RSRC1: variants seen among roughly 807,000 people sequenced by gnomAD.
RSRC1 encodes arginine and serine rich coiled-coil 1, also known as serine/Arginine-related protein 53.
Under a neutral mutation model 49.1 loss-of-function variants are expected in RSRC1, and 39 were observed. That is an observed-to-expected ratio of 0.79 (90% confidence interval 0.61 to 1.04). RSRC1 has a LOEUF of 1.04. Among genes scored for constraint, RSRC1 ranks in the 50% least tolerant of loss-of-function variants. The pLI is 0.00. For synonymous variants in RSRC1, 143 were observed against 130.8 expected, an observed-to-expected ratio of 1.09 and a Z score of -0.63; for missense variants, 388 against 402.4, an observed-to-expected ratio of 0.96 and a Z score of 0.31.
At chr3:158,379,466 C>A (rs1232050447) in intron 6 of RSRC1, among the ~76,000 whole-genome samples, 3 of 152,124 alleles carry the variant, frequency 2.0e-5, no homozygotes, top group Admixed American at 2.0e-4. Context: ...TCCCAAAGTG[C>A]TGGGATTACA....
chr3:158,301,279 C>G (rs9877873), intron 5 of RSRC1, among the ~76,000 whole-genome samples: 2,603 of 152,176 alleles, frequency 0.017, 67 homozygotes, highest in African/African-American at 0.06. Flanking sequence ...GGCTGTTGCT[C>G]TGTTATCCAT....
chr3:158,120,178 T>TCATTTA (rs1715153029), intron 1 of RSRC1, among the ~76,000 whole-genome samples: 1 of 152,220 alleles, frequency 6.6e-6, no homozygotes, highest in Non-Finnish European at 1.5e-5. Context: ...ATCTTTTACC[T>TCATTTA]ATTGTAGTTT....
chr3:158,467,579 G>T (rs1010689696), intron 7 of RSRC1, among the ~76,000 whole-genome samples: 1 of 152,126 alleles, frequency 6.6e-6, no homozygotes, highest in Non-Finnish European at 1.5e-5. Context: ...TAGGGATGCC[G>T]AAATGAAAGA....
intron 6 of RSRC1, among the ~76,000 whole-genome samples, chr3:158,380,019 T>A (rs1732618363): frequency 6.6e-6 from 1 of 152,146 alleles, no homozygotes; most frequent in Non-Finnish European, 1.5e-5. Flanking sequence ...CTACACATCA[T>A]TTGTGCTTAA....
intron 5 of RSRC1, among the ~76,000 whole-genome samples, chr3:158,353,860 G>GT (rs945579979): frequency 1.4e-4 from 22 of 151,880 alleles, no homozygotes; most frequent in African/African-American, 2.9e-4. Context: ...ATGGACAACA[G>GT]TTTTTTTAAC....
At chr3:158,522,392 G>A (rs1388037930) in intron 7 of RSRC1, among the ~76,000 whole-genome samples, 2 of 151,890 alleles carry the variant, frequency 1.3e-5, no homozygotes, top group East Asian at 3.9e-4. Flanking sequence ...CTGCAGCCTT[G>A]AATTCCTGGG....
intron 7 of RSRC1, among the ~76,000 whole-genome samples, chr3:158,513,161 G>T (rs1327559136): frequency 6.7e-6 from 1 of 149,780 alleles, no homozygotes; most frequent in Non-Finnish European, 1.5e-5. Flanking sequence ...TGTTGAATAG[G>T]AGTGGTGAGA....
intron 6 of RSRC1, among the ~76,000 whole-genome samples, chr3:158,457,248 T>C (rs1454237636): frequency 1.3e-5 from 2 of 152,128 alleles, no homozygotes; most frequent in African/African-American, 4.8e-5. Flanking sequence ...AAGGAATGAA[T>C]GGATTCTAGA....
chr3:158,160,403 A>T (rs6786057), intron 3 of RSRC1, among the ~76,000 whole-genome samples: 90,123 of 152,024 alleles, frequency 0.59, 26,980 homozygotes, highest in East Asian at 0.71. Flanking sequence ...ATGTATATTG[A>T]TGTCTTAGCT....
chr3:158,391,413 C>A (rs190858970), intron 6 of RSRC1, among the ~76,000 whole-genome samples: 1 of 152,244 alleles, frequency 6.6e-6, no homozygotes, highest in Admixed American at 6.5e-5. Flanking sequence ...TTGAAAGTTT[C>A]CATATTGAAA....
chr3:158,484,749 A>G (rs1033077054), intron 7 of RSRC1, among the ~76,000 whole-genome samples: 6 of 152,102 alleles, frequency 3.9e-5, no homozygotes, highest in African/African-American at 1.4e-4. Flanking sequence ...AATTATAAAT[A>G]AGAGTATACA....
chr3:158,363,278 T>C (rs1731579045), intron 6 of RSRC1, among the ~76,000 whole-genome samples: 1 of 151,618 alleles, frequency 6.6e-6, no homozygotes. Flanking sequence ...TCTTTTTTTT[T>C]TTTTTGACAT....
At chr3:158,301,994 T>TG (rs1559983615) in intron 5 of RSRC1, among the ~76,000 whole-genome samples, 1 of 150,184 alleles carries the variant, frequency 6.7e-6, no homozygotes, top group Non-Finnish European at 1.5e-5. Flanking sequence ...TTTTTTTGTT[T>TG]TTTTTTTTTG....
At chr3:158,495,917 T>G (rs994476690) in intron 7 of RSRC1, among the ~76,000 whole-genome samples, 5 of 152,202 alleles carry the variant, frequency 3.3e-5, no homozygotes, top group Middle Eastern at 3.2e-3. Flanking sequence ...CTGGCTTAAA[T>G]AAGAAAGTAA....
At chr3:158,196,226 A>C (rs1204250419) in intron 3 of RSRC1, among the ~76,000 whole-genome samples, 1 of 151,686 alleles carries the variant, frequency 6.6e-6, no homozygotes, top group East Asian at 1.9e-4. Context: ...ATCCCTTGTA[A>C]GTTGGATTCC....
chr3:158,314,962 G>A (rs189533774), intron 5 of RSRC1, among the ~76,000 whole-genome samples: 216 of 151,732 alleles, frequency 1.4e-3, no homozygotes, highest in Non-Finnish European at 1.8e-3. Flanking sequence ...AACCTGGGAG[G>A]CAGAGGTTGC....
At chr3:158,181,834 A>G (rs1209428092) in intron 3 of RSRC1, among the ~76,000 whole-genome samples, 3 of 152,220 alleles carry the variant, frequency 2.0e-5, no homozygotes, top group African/African-American at 4.8e-5. Context: ...TTGAGAAAGT[A>G]GTACATGAAT....
intron 7 of RSRC1, among the ~76,000 whole-genome samples, chr3:158,472,388 G>A (rs1393737811): frequency 6.6e-6 from 1 of 151,984 alleles, no homozygotes; most frequent in Non-Finnish European, 1.5e-5. Context: ...GAGGTATATT[G>A]TACTTTGCAG....
At chr3:158,189,460 G>A (rs1297225115) in intron 3 of RSRC1, among the ~76,000 whole-genome samples, 2 of 151,700 alleles carry the variant, frequency 1.3e-5, no homozygotes, top group African/African-American at 2.4e-5. Flanking sequence ...TATAAATTCA[G>A]GATTGTTAGA....
Sources: allele counts gnomAD v4.1 joint callset (sites outside exome capture counted in the v4.1 genomes callset), GRCh38; gene constraint gnomAD v4.1.1; transcripts MANE v1.5; gene names NCBI Gene and HGNC (gene_info 2026-07-23, HGNC 2026-07-21).